Variants in PDZD2 observed in about 807,000 individuals in gnomAD.
The protein encoded by PDZD2 is PDZ domain containing 2.
PDZD2 carries 90 observed loss-of-function variants against 220.7 expected under a neutral mutation model. The observed-to-expected ratio is 0.41, with a 90% CI of 0.34 to 0.49. The LOEUF (loss-of-function observed/expected upper bound fraction) is 0.49, where lower values mean the gene tolerates loss of function less well. PDZD2 is among the 20% of genes least tolerant of loss of function. PDZD2 has a pLI of 0.28. For missense variants in PDZD2, 3,174 were observed against 3,608.5 expected (o/e 0.88, Z 3.08); for synonymous variants, 1,375 against 1,450.5 (o/e 0.95, Z 1.18).
chr5:32,003,567 G>A (rs1042499939), intron 5 of PDZD2, among the ~76,000 whole-genome samples: 12 of 151,666 alleles, frequency 7.9e-5, no homozygotes, highest in Admixed American at 4.6e-4. Context: ...CAGAGAACGC[G>A]TGTTTCATTT....
intron 6 of PDZD2, among the ~76,000 whole-genome samples, chr5:32,022,193 G>GTTTT (rs57252714): frequency 7.1e-6 from 1 of 141,316 alleles, no homozygotes. Context: ...TTGTTTTTTT[G>GTTTT]TTTTTTGTTT....
intron 2 of PDZD2, among the ~76,000 whole-genome samples, chr5:31,944,147 T>C (rs1746441491): frequency 6.6e-6 from 1 of 152,246 alleles, no homozygotes. Context: ...TAATTGGTTT[T>C]CTTTGTAATC....
At chr5:31,997,366 T>A (rs1362431542) in intron 4 of PDZD2, among the ~76,000 whole-genome samples, 1 of 152,154 alleles carries the variant, frequency 6.6e-6, no homozygotes, top group Non-Finnish European at 1.5e-5. Context: ...CAGCAAAGTC[T>A]TTTATGCTCA....
intron 1 of PDZD2, among the ~76,000 whole-genome samples, chr5:31,691,070 C>T (rs1434169955): frequency 1.3e-5 from 2 of 152,196 alleles, no homozygotes; most frequent in Non-Finnish European, 2.9e-5. Context: ...AATGAAGCCG[C>T]GGACCCTCAT....
chr5:32,006,961 G>C (rs950360647), intron 5 of PDZD2, among the ~76,000 whole-genome samples: 8 of 127,874 alleles, frequency 6.3e-5, no homozygotes, highest in Non-Finnish European at 1.2e-4. Context: ...TGTCTCCCAG[G>C]CTGGAGTGCA....
chr5:31,699,405 G>C (rs1000158980), intron 1 of PDZD2, among the ~76,000 whole-genome samples: 1 of 152,068 alleles, frequency 6.6e-6, no homozygotes, highest in Non-Finnish European at 1.5e-5. Context: ...ATTGAGGCTA[G>C]GAGTGAGAGG....
intron 6 of PDZD2, among the ~76,000 whole-genome samples, chr5:32,014,337 G>A (rs983456383): frequency 6.6e-5 from 10 of 152,154 alleles, no homozygotes; most frequent in African/African-American, 2.2e-4. Context: ...ATTTTTAATG[G>A]CTACAATAAA....
At chr5:31,781,859 GT>G (rs1337788906) in intron 1 of PDZD2, among the ~76,000 whole-genome samples, 1 of 152,162 alleles carries the variant, frequency 6.6e-6, no homozygotes. Flanking sequence ...TATTTACAGG[GT>G]TTGGGCGAAT....
intron 1 of PDZD2, among the ~76,000 whole-genome samples, chr5:31,653,970 G>C (rs1337336869): frequency 6.6e-6 from 1 of 152,122 alleles, no homozygotes. Context: ...ATTTTTAGTA[G>C]AGACGGGGTT....
intron 1 of PDZD2, among the ~76,000 whole-genome samples, chr5:31,697,877 ATTTC>A (rs1440600954): frequency 2.0e-5 from 3 of 148,304 alleles, no homozygotes; most frequent in East Asian, 2.0e-4. Context: ...CTCCTTCCTT[ATTTC>A]TTTATTATTA....
At chr5:32,065,796 G>A (rs1171611644) in intron 14 of PDZD2, among the ~76,000 whole-genome samples, 2 of 152,104 alleles carry the variant, frequency 1.3e-5, no homozygotes, top group African/African-American at 2.4e-5. Context: ...AGGCCAAGGC[G>A]GGTGGATCGC....
chr5:31,767,952 G>A (rs1169598099), intron 1 of PDZD2, among the ~76,000 whole-genome samples: 1 of 152,202 alleles, frequency 6.6e-6, no homozygotes, highest in Non-Finnish European at 1.5e-5. Context: ...TGATAAATTG[G>A]GAACAACCAG....
At chr5:31,941,292 A>G (rs1366802573) in intron 2 of PDZD2, among the ~76,000 whole-genome samples, 1 of 152,156 alleles carries the variant, frequency 6.6e-6, no homozygotes, top group Non-Finnish European at 1.5e-5. Flanking sequence ...TGAGTTTGCA[A>G]CACTTTGACT....
chr5:31,838,232 AT>A lies in PDZD2; in HGVS notation c.476+38513del, dbSNP rs1757065837. ...TCCATCACACCCAGCTAATTTTTGT[AT>A]TTTTATTAGAGATGGGGTTTTGCCC... On this transcript the variant is annotated intron_variant, in intron 2 of 24. Coordinates refer to ENST00000438447, the MANE Select transcript of PDZD2 (RefSeq NM_178140.4). Among the ~76,000 whole-genome samples the A allele has an allele frequency of 2.0e-5, 3 of 152,126 alleles. No homozygotes were observed. The South Asian group carries it at 6.2e-4, about 32-fold the overall frequency.
rs1755629612 is a variant in PDZD2, at chr5:32,037,247, A to C, written c.1424A>C (p.Glu475Ala). Residue 475 changes from glutamate to alanine, a missense_variant, in exon 7 of 25, where the codon GAA becomes GCA. Glu to Ala is a moderately radical substitution (Grantham distance 107). Coordinates refer to ENST00000438447, the MANE Select transcript of PDZD2 (RefSeq NM_178140.4). Reference sequence around the variant, plus strand: ...GCATTTCAGATGCCTGGGACAGATGAACCCCAAGATGTGTGCGGTGCTGAG... The same window carrying C: ...GCATTTCAGATGCCTGGGACAGATGCACCCCAAGATGTGTGCGGTGCTGAG... Reference protein sequence around the residue: ...SVQRAMPGTDEPQDVCGAEES... With the variant: ...SVQRAMPGTDAPQDVCGAEES... The C allele has an allele frequency of 6.2e-6, 10 of 1,612,714 alleles. No homozygotes were observed. The highest frequency in any genetic ancestry group is 8.5e-6 in the Non-Finnish European group (10 of 1,178,712).
At chr5:31,868,800 C>T (rs1429767719) in intron 2 of PDZD2, among the ~76,000 whole-genome samples, 6 of 152,160 alleles carry the variant, frequency 3.9e-5, no homozygotes, top group Non-Finnish European at 8.8e-5. Flanking sequence ...GAGACAGAGT[C>T]TTGCTCTTTC....
intron 1 of PDZD2, among the ~76,000 whole-genome samples, chr5:31,645,052 G>A (rs1385732064): frequency 6.6e-6 from 1 of 152,116 alleles, no homozygotes; most frequent in Non-Finnish European, 1.5e-5. Flanking sequence ...TGTCTTTTAA[G>A]TCTAAGAAGC....
chr5:32,094,798 G>C (rs1743488612), intron 21 of PDZD2, among the ~76,000 whole-genome samples: 1 of 152,140 alleles, frequency 6.6e-6, no homozygotes, highest in Non-Finnish European at 1.5e-5. Context: ...AGAATCACTT[G>C]GGTCCAGTAG....
At chr5:32,025,866 C>G (rs1433133516) in intron 6 of PDZD2, among the ~76,000 whole-genome samples, 1 of 151,972 alleles carries the variant, frequency 6.6e-6, no homozygotes, top group African/African-American at 2.4e-5. Context: ...TCCCAGAGTG[C>G]TGGGACTGCA....
Sources: gnomAD v4.1 joint callset for allele counts (sites outside exome capture counted in the v4.1 genomes callset) on GRCh38, gnomAD v4.1.1 for gene constraint, MANE v1.5 for transcripts, NCBI Gene and HGNC (gene_info 2026-07-23, HGNC 2026-07-21) for gene names.